Variants in YAP1 observed in about 807,000 individuals in gnomAD.
The protein encoded by YAP1 is transcriptional coactivator YAP1.
YAP1 carries 5 observed loss-of-function variants against 56.9 expected under a neutral mutation model. The observed-to-expected ratio is 0.09, with a 90% CI of 0.05 to 0.18. The LOEUF (loss-of-function observed/expected upper bound fraction) is 0.18. Among genes scored for constraint, YAP1 ranks in the 10% least tolerant of loss-of-function variants. YAP1 has a pLI of 1.00. For synonymous variants in YAP1, 265 were observed against 248.1 expected, an observed-to-expected ratio of 1.07 and a Z score of -0.64; for missense variants, 539 against 651.8, an observed-to-expected ratio of 0.83 and a Z score of 1.88.
intron 2 of YAP1, among the ~76,000 whole-genome samples, chr11:102,140,939 G>A (rs1167625732): frequency 6.6e-6 from 1 of 152,106 alleles, no homozygotes; most frequent in Non-Finnish European, 1.5e-5. Flanking sequence ...TTACAACTGA[G>A]AGAAATTTTC....
intron 2 of YAP1, among the ~76,000 whole-genome samples, chr11:102,144,593 G>C (rs753855560): frequency 1.2e-4 from 19 of 152,066 alleles, no homozygotes; most frequent in Non-Finnish European, 2.8e-4. Context: ...TAATCACTTG[G>C]TGCCACCCTG....
chr11:102,186,012 TTA>T lies in YAP1; in HGVS notation c.689-3_689-2del. 1.3e-6 allele frequency: 2 copies of T among 1,578,774 alleles called. No individual in the cohort carries two copies. Among genetic ancestry groups the T allele is most frequent in the Non-Finnish European group, 1.7e-6 (2 of 1,168,486 alleles). On this transcript the variant is annotated splice_polypyrimidine_tract_variant and splice_region_variant and intron_variant, in intron 3 of 8. Transcript: ENST00000282441. ...CATGATTTTTTTTTTTTTTTCTGTATTATAGGTCCTCTTCCTGATGGATGGGA... is the reference window on the plus strand; with the variant it reads ...CATGATTTTTTTTTTTTTTTCTGTATTAGGTCCTCTTCCTGATGGATGGGA...
intron 2 of YAP1, among the ~76,000 whole-genome samples, chr11:102,161,440 CTG>C (rs1475824776): frequency 1.1e-4 from 16 of 151,310 alleles, no homozygotes; most frequent in Admixed American, 2.6e-4. Context: ...TTTTTAAAAA[CTG>C]TATTATTAAT....
chr11:102,203,694 A>G (rs759079983), intron 4 of YAP1, among the ~76,000 whole-genome samples: 2 of 152,240 alleles, frequency 1.3e-5, no homozygotes, highest in Non-Finnish European at 2.9e-5. Flanking sequence ...TGTAAAATAT[A>G]TGTTTGGAAA....
intron 2 of YAP1, among the ~76,000 whole-genome samples, chr11:102,161,313 C>T (rs528899871): frequency 4.7e-5 from 7 of 149,964 alleles, no homozygotes; most frequent in South Asian, 2.1e-4. Context: ...CTGCCCGCCT[C>T]GGCCTCCCAG....
chr11:102,140,816 G>A (rs7117239), intron 2 of YAP1, among the ~76,000 whole-genome samples: 1 of 151,562 alleles, frequency 6.6e-6, no homozygotes, highest in African/African-American at 2.4e-5. Context: ...TCACTCCAGC[G>A]TGGGCAATAG....
intron 4 of YAP1, among the ~76,000 whole-genome samples, chr11:102,191,708 C>T (rs1010693003): frequency 1.3e-5 from 2 of 151,918 alleles, no homozygotes; most frequent in Non-Finnish European, 2.9e-5. Flanking sequence ...GAGAGAGGGT[C>T]TCACTCTCAT....
intron 6 of YAP1, among the ~76,000 whole-genome samples, chr11:102,220,883 A>G (rs1470290173): frequency 1.3e-5 from 2 of 152,328 alleles, no homozygotes; most frequent in East Asian, 3.9e-4. Flanking sequence ...ACAATGGGTT[A>G]TTATATGGGT....
intron 6 of YAP1, among the ~76,000 whole-genome samples, chr11:102,216,695 ATTATT>A (rs564137734): frequency 1.6e-4 from 24 of 152,308 alleles, no homozygotes; most frequent in Middle Eastern, 3.4e-3. Flanking sequence ...AAGTTTTTGG[ATTATT>A]TTATCCTGAA....
chr11:102,132,669 A>G (rs755296638), intron 2 of YAP1, among the ~76,000 whole-genome samples: 18 of 151,992 alleles, frequency 1.2e-4, no homozygotes, highest in Middle Eastern at 3.2e-3. Flanking sequence ...GTTGAAAGGG[A>G]TTGTTTGCAT....
Position 102,233,256 on chromosome 11 carries a change from T to C in YAP1, c.*3316T>C, listed in dbSNP as rs984566714. 3 of 152,192 alleles carry C rather than the reference T, an allele frequency of 2.0e-5. No individual in the cohort carries two copies. Among genetic ancestry groups the C allele is most frequent in the Non-Finnish European group, 4.4e-5 (3 of 68,036 alleles). The allele number at this position is 152,192 out of a possible 1,614,324, so 9.4% of individuals were successfully genotyped here. ...TATTAGAGAATTCTTTAATGCACAC[T>C]TGTCAAATATATATATATAGTACCA... On this transcript the variant is annotated 3_prime_UTR_variant, in exon 9 of 9. Transcript: ENST00000282441.
chr11:102,223,219 G>T (rs547827930), intron 6 of YAP1, among the ~76,000 whole-genome samples: 50 of 148,458 alleles, frequency 3.4e-4, no homozygotes, highest in African/African-American at 1.2e-3. Flanking sequence ...CTGCACTCCA[G>T]CCTGGTGACA....
intron 7 of YAP1, among the ~76,000 whole-genome samples, chr11:102,224,697 G>A (rs979484403): frequency 2.0e-5 from 3 of 152,158 alleles, no homozygotes; most frequent in African/African-American, 7.2e-5. Context: ...AGTACTGGTG[G>A]CCTAGTTGGA....
intron 1 of YAP1, among the ~76,000 whole-genome samples, chr11:102,112,079 T>A (rs910077537): frequency 6.6e-6 from 1 of 152,210 alleles, no homozygotes; most frequent in African/African-American, 2.4e-5. Context: ...GCCACATCTG[T>A]ACGTTGCGCA....
At chr11:102,201,525 CT>C (rs1189496499) in intron 4 of YAP1, among the ~76,000 whole-genome samples, 1 of 152,254 alleles carries the variant, frequency 6.6e-6, no homozygotes, top group East Asian at 1.9e-4. Context: ...TTTCAGGTGA[CT>C]TTAAAGCACA....
chr11:102,184,649 C>T (rs968133221), intron 3 of YAP1, among the ~76,000 whole-genome samples: 2 of 152,192 alleles, frequency 1.3e-5, no homozygotes, highest in Non-Finnish European at 2.9e-5. Context: ...GACTTTGGGT[C>T]CCATGGGCCT....
At chr11:102,220,267 T>C (rs1949860488) in intron 6 of YAP1, among the ~76,000 whole-genome samples, 1 of 152,132 alleles carries the variant, frequency 6.6e-6, no homozygotes, top group East Asian at 2.0e-4. Flanking sequence ...TAGTATGCCA[T>C]ATTTGGAGTA....
At chr11:102,112,258 G>A (rs1942985236) in intron 1 of YAP1, among the ~76,000 whole-genome samples, 2 of 152,038 alleles carry the variant, frequency 1.3e-5, no homozygotes, top group South Asian at 4.2e-4. Context: ...TTCTTATTGC[G>A]GATATGAACA....
At chr11:102,155,159 T>A (rs1478639552) in intron 2 of YAP1, among the ~76,000 whole-genome samples, 1 of 152,166 alleles carries the variant, frequency 6.6e-6, no homozygotes, top group African/African-American at 2.4e-5. Flanking sequence ...TGCCCTCTTT[T>A]CTGATTGTGG....
Sources: gnomAD v4.1 joint callset for allele counts (sites outside exome capture counted in the v4.1 genomes callset) on GRCh38, gnomAD v4.1.1 for gene constraint, MANE v1.5 for transcripts, NCBI Gene and HGNC (gene_info 2026-07-23, HGNC 2026-07-21) for gene names.